PPP2R3A: variants seen among roughly 807,000 people sequenced by gnomAD.
The protein encoded by PPP2R3A is serine/threonine-protein phosphatase 2A regulatory subunit B'' subunit alpha.
A neutral mutation model predicts 106.9 loss-of-function variants in PPP2R3A; 80 were observed. The observed-to-expected ratio is 0.75, with a 90% confidence interval of 0.62 to 0.90. The LOEUF is 0.90. PPP2R3A is among the 40% of genes least tolerant of loss of function. PPP2R3A has a pLI of 0.00. For synonymous variants in PPP2R3A, 483 were observed against 468.3 expected, an observed-to-expected ratio of 1.03 and a Z score of -0.41; for missense variants, 1,386 against 1,350.4, an observed-to-expected ratio of 1.03 and a Z score of -0.41.
intron 5 of PPP2R3A, among the ~76,000 whole-genome samples, chr3:136,069,970 T>C (rs1427642136): frequency 6.6e-6 from 1 of 152,236 alleles, no homozygotes; most frequent in East Asian, 1.9e-4. Context: ...TGATAAAATC[T>C]GATGGGCATT....
chr3:135,998,392 A>G lies in PPP2R3A; in HGVS notation c.-440-2667A>G, dbSNP rs1205249913. Among the ~76,000 whole-genome samples, 8 of 152,368 alleles carry G rather than the reference A, an allele frequency of 5.3e-5. No individual in the cohort carries two copies. The South Asian group carries it at 1.2e-3, about 24-fold the overall frequency. ...ACAAGTGAACAATGACAAAATGTCT[A>G]ATAGGTAAATGAGAAGATATTCAGA... On this transcript the variant is annotated intron_variant, in intron 1 of 13. Transcript: ENST00000264977.
At chr3:136,051,745 A>G (rs1018668932) in intron 5 of PPP2R3A, among the ~76,000 whole-genome samples, 3 of 152,254 alleles carry the variant, frequency 2.0e-5, no homozygotes, top group Non-Finnish European at 4.4e-5. Flanking sequence ...TAACTAGCAC[A>G]CAGATCCAAA....
intron 5 of PPP2R3A, among the ~76,000 whole-genome samples, chr3:136,065,210 C>T (rs866300674): frequency 6.6e-5 from 10 of 152,138 alleles, no homozygotes; most frequent in Admixed American, 3.9e-4. Flanking sequence ...GAGCTAAATC[C>T]ACATGTTTCC....
intron 5 of PPP2R3A, among the ~76,000 whole-genome samples, chr3:136,066,951 T>G (rs1286599585): frequency 1.3e-5 from 2 of 152,192 alleles, no homozygotes; most frequent in African/African-American, 4.8e-5. Context: ...CTTAACATGA[T>G]GAAATACATA....
intron 2 of PPP2R3A, among the ~76,000 whole-genome samples, chr3:136,019,285 G>A (rs1466709186): frequency 2.0e-5 from 3 of 152,126 alleles, no homozygotes; most frequent in Non-Finnish European, 4.4e-5. Flanking sequence ...CTTTTACAGT[G>A]GCTCTTTCCA....
chr3:136,038,799 A>G (rs1935165964), intron 3 of PPP2R3A, among the ~76,000 whole-genome samples: 1 of 152,224 alleles, frequency 6.6e-6, no homozygotes, highest in Admixed American at 6.5e-5. Flanking sequence ...CAGCTTATAC[A>G]GCCAGAGTAT....
chr3:136,029,340 A>G (rs968309566), intron 3 of PPP2R3A, among the ~76,000 whole-genome samples: 13 of 152,252 alleles, frequency 8.5e-5, no homozygotes, highest in African/African-American at 3.1e-4. Flanking sequence ...GTGTCTTTGT[A>G]CTGCTCTGCC....
Position 136,003,422 on chromosome 3 carries a change from A to G in PPP2R3A, c.1924A>G (p.Ser642Gly), listed in dbSNP as rs17197552. The stretch of plus-strand genomic sequence containing the variant: ...CCAGGCCAATTTATCAGTCTGTAGA[A>G]GTCCTGTTGGTGATAAAGCCAAAGA... ...SSQANLSVCR[S>G]PVGDKAKDTT... The change falls in exon 2 of 14, where the codon AGT (serine) becomes GGT (glycine). Residue 642 changes from serine to glycine, a missense_variant. Transcript: ENST00000264977. 481,509 of 1,613,444 alleles carry G rather than the reference A, an allele frequency of 0.3. 75,959 individuals are homozygous for G. Among genetic ancestry groups the G allele is most frequent in the Non-Finnish European group, 0.32 (379,985 of 1,179,590 alleles).
intron 13 of PPP2R3A, among the ~76,000 whole-genome samples, chr3:136,119,279 C>G (rs1033811352): frequency 1.3e-5 from 2 of 152,142 alleles, no homozygotes; most frequent in Admixed American, 1.3e-4. Context: ...AGAAGAAAAC[C>G]TAGGCAGTAC....
chr3:136,066,323 G>A (rs1936262062), intron 5 of PPP2R3A, among the ~76,000 whole-genome samples: 1 of 152,074 alleles, frequency 6.6e-6, no homozygotes, highest in African/African-American at 2.4e-5. Flanking sequence ...ATCAGGAAAA[G>A]ACCATCCAGA....
chr3:136,088,361 G>T (rs529103330), intron 9 of PPP2R3A, among the ~76,000 whole-genome samples: 1 of 152,174 alleles, frequency 6.6e-6, no homozygotes, highest in African/African-American at 2.4e-5. Flanking sequence ...TTGGTTTTCT[G>T]TTCCTGTGTT....
chr3:136,112,386 A>G (rs1937606343), intron 13 of PPP2R3A, among the ~76,000 whole-genome samples: 1 of 152,230 alleles, frequency 6.6e-6, no homozygotes, highest in African/African-American at 2.4e-5. Flanking sequence ...ATACCTAGAA[A>G]ACCCATAGTA....
intron 5 of PPP2R3A, chr3:136,055,313 A>G (rs1225456841): frequency 1.1e-6 from 1 of 907,928 alleles, no homozygotes. Flanking sequence ...AGGAATCAAC[A>G]TCTTTACATT....
At chr3:135,992,410 A>T (rs1933207572) in intron 1 of PPP2R3A, among the ~76,000 whole-genome samples, 1 of 152,140 alleles carries the variant, frequency 6.6e-6, no homozygotes, top group Non-Finnish European at 1.5e-5. Flanking sequence ...TCTTTTCTTT[A>T]TGATTGATGT....
intron 8 of PPP2R3A, among the ~76,000 whole-genome samples, chr3:136,082,919 T>C (rs2107931826): frequency 6.6e-6 from 1 of 152,392 alleles, no homozygotes; most frequent in Non-Finnish European, 1.5e-5. Flanking sequence ...GCGTGCTTTC[T>C]TTTGTCAGAA....
At chr3:136,022,842 A>G in intron 2 of PPP2R3A, 1 of 1,308,900 alleles carries the variant, frequency 7.6e-7, no homozygotes, top group Non-Finnish European at 9.7e-7. Flanking sequence ...CTTGAAAATT[A>G]TGAGCAGGTA....
chr3:136,132,513 AATTCT>A (rs993470505), intron 13 of PPP2R3A, among the ~76,000 whole-genome samples: 2 of 152,058 alleles, frequency 1.3e-5, no homozygotes, highest in Non-Finnish European at 2.9e-5. Context: ...TAAAAAGAAT[AATTCT>A]ATTCACAGTC....
chr3:136,007,317 T>C lies in PPP2R3A; in HGVS notation c.1995+3824T>C, dbSNP rs1250188313. Among the ~76,000 whole-genome samples, 3 of 152,210 alleles carry C rather than the reference T, an allele frequency of 2.0e-5. No homozygotes were observed. In the East Asian group the frequency reaches 5.8e-4, roughly 29 times the overall value. ...AGTGAGGGGATGTTCACTTTCCTGC[T>C]TTGTCTCCTCAAATGGAAACCGCTC... is the stretch of plus-strand genomic sequence containing the variant. On this transcript the variant is annotated intron_variant, in intron 2 of 13. Coordinates refer to ENST00000264977, the MANE Select transcript of PPP2R3A (RefSeq NM_002718.5).
intron 13 of PPP2R3A, chr3:136,106,926 C>CAAAAAAAAAAAAAAAAAAA (rs36029618): frequency 2.4e-5 from 1 of 41,740 alleles, no homozygotes; most frequent in African/African-American, 6.3e-5. Flanking sequence ...ACTCCGTCTC[C>CAAAAAAAAAAAAAAAAAAA]AAAAAAAAAA....
Sources: allele counts gnomAD v4.1 joint callset (sites outside exome capture counted in the v4.1 genomes callset), GRCh38; gene constraint gnomAD v4.1.1; transcripts MANE v1.5; gene names NCBI Gene and HGNC (gene_info 2026-07-23, HGNC 2026-07-21).